Variants in WDR44 observed in about 807,000 individuals in gnomAD.
WDR44 encodes the protein WD repeat-containing protein 44.
A neutral mutation model predicts 65.7 loss-of-function variants in WDR44; 9 were observed. The observed-to-expected ratio is 0.14, with a 90% CI of 0.08 to 0.24. The LOEUF (loss-of-function observed/expected upper bound fraction) is 0.24, where lower values mean the gene tolerates loss of function less well. WDR44 is among the 10% of genes least tolerant of loss of function. The pLI is 1.00. For missense variants in WDR44, 425 were observed against 670.9 expected (o/e 0.63, Z 4.05); for synonymous variants, 220 against 235.2 (o/e 0.94, Z 0.59).
rs910978078 is a variant in WDR44 at position 118,432,855 on chromosome X, A to G, written c.1812A>G (p.Lys604=). ...PFRQRPFCKY[K]GHTADLLDLS... ...GGCAACGGCCATTTTGCAAATATAA[A>G]GGACATACTGCTGATCTCCTTGATC... The change falls in exon 13 of 20, where the codon AAA becomes AAG. Residue 604 remains lysine, a synonymous_variant. Transcript: ENST00000254029. The G allele has an allele frequency of 8.3e-7, 1 of 1,209,706 alleles. No individual in the cohort carries two copies. The highest frequency in any genetic ancestry group is 1.1e-6 in the Non-Finnish European group (1 of 894,470).
In WDR44 at chrX:118,387,088, A is replaced by T. The variant is rs760241122; in HGVS notation, c.112-252A>T. Among the ~76,000 whole-genome samples the T allele has an allele frequency of 1.9e-5, 2 of 106,597 alleles. 1 individual carries two copies. The highest frequency in any genetic ancestry group is 2.0e-4 in the Admixed American group (2 of 9,766). 92.6% of individuals were successfully genotyped at this position (106,597 alleles called of 115,157 possible). A position where few individuals can be genotyped will look rare whatever the true frequency, so the allele number is the denominator to read the frequency against. ...TCCCAGCTACTCGGGAGGCTGAGGC[A>T]GGAGAATCACTTGAACCCGGGAAGC... is the stretch of plus-strand genomic sequence containing the variant. On this transcript the variant is annotated intron_variant, in intron 2 of 19. Transcript: ENST00000254029.
At chrX:118,367,481 C>T (rs2056564695) in intron 1 of WDR44, among the ~76,000 whole-genome samples, 1 of 111,518 alleles carries the variant, frequency 9.0e-6, no homozygotes, top group Admixed American at 9.6e-5. Context: ...TAAATTAAGG[C>T]CTTACTAAAG....
intron 1 of WDR44, among the ~76,000 whole-genome samples, chrX:118,352,352 A>ATATATTTTTTTTTTTTTTTTT (rs1357425730): frequency 1.4e-4 from 2 of 14,224 alleles, no homozygotes; most frequent in African/African-American, 7.4e-4. Context: ...ATATATATAT[A>ATATATTTTTTTTTTTTTTTTT]TTTTTTTTTT....
At chrX:118,401,592 T>C (rs1199397880) in intron 8 of WDR44, among the ~76,000 whole-genome samples, 12 of 82,762 alleles carry the variant, frequency 1.4e-4, no homozygotes, top group East Asian at 4.1e-4. Context: ...ATGAGTAGGT[T>C]GCGAAAATTT....
At chrX:118,441,199 C>T (rs1329220966) in intron 14 of WDR44, among the ~76,000 whole-genome samples, 169 bp from the exon 15 acceptor site, 5 of 110,680 alleles carry the variant, frequency 4.5e-5, no homozygotes, top group Non-Finnish European at 7.6e-5. Flanking sequence ...ACCTTGTGAT[C>T]CACTGCCTTG....
chrX:118,383,789 T>G (rs2056740862), intron 2 of WDR44, among the ~76,000 whole-genome samples: 1 of 102,148 alleles, frequency 9.8e-6, no homozygotes, highest in Non-Finnish European at 2.0e-5. Context: ...CTCTTAATGG[T>G]GATCAGCTTC....
intron 7 of WDR44, 98 bp from the exon 8 acceptor site, chrX:118,398,289 T>C: frequency 3.3e-6 from 2 of 603,001 alleles, no homozygotes; most frequent in Admixed American, 3.1e-5. Context: ...AGCGTAGTTT[T>C]TCTTATTCTG....
intron 1 of WDR44, among the ~76,000 whole-genome samples, chrX:118,353,547 C>CT (rs2056432992): frequency 8.9e-6 from 1 of 111,983 alleles, no homozygotes; most frequent in Non-Finnish European, 1.9e-5. Context: ...TCCACAAAAC[C>CT]TTTTTGTCTC....
intron 10 of WDR44, 121 bp downstream of exon 10, chrX:118,407,147 A>G (rs5956052): frequency 0.23 from 153,444 of 665,828 alleles, 13,836 homozygotes; most frequent in African/African-American, 0.4. Flanking sequence ...AGAACGGGGA[A>G]TTTATGTTAA....
chrX:118,382,694 C>A (rs776688190), intron 2 of WDR44, among the ~76,000 whole-genome samples: 5 of 111,324 alleles, frequency 4.5e-5, no homozygotes, highest in African/African-American at 1.6e-4. Context: ...AATCTTATAA[C>A]CAAATACTGC....
chrX:118,368,511 G>A (rs1433408890), intron 1 of WDR44, among the ~76,000 whole-genome samples: 1 of 81,954 alleles, frequency 1.2e-5, no homozygotes, highest in Non-Finnish European at 2.2e-5. Flanking sequence ...CATTCCTCCA[G>A]CTCCTTCTGA....
At chrX:118,393,312 G>T in intron 4 of WDR44, 41 bp downstream of exon 4, 3 of 1,152,697 alleles carry the variant, frequency 2.6e-6, no homozygotes, top group Non-Finnish European at 3.4e-6. Context: ...GTTGGGCACA[G>T]TGGCTCACGC....
intron 1 of WDR44, among the ~76,000 whole-genome samples, chrX:118,366,217 C>T (rs2056551882): frequency 9.0e-6 from 1 of 111,546 alleles, no homozygotes; most frequent in South Asian, 3.7e-4. Context: ...TATACTTATC[C>T]ATATATAAGT....
At chrX:118,418,114 T>C (rs2057073322) in intron 12 of WDR44, among the ~76,000 whole-genome samples, 2 of 111,984 alleles carry the variant, frequency 1.8e-5, no homozygotes, top group Admixed American at 9.5e-5. Flanking sequence ...TGGATTTCAC[T>C]GCATTGGGCT....
At chrX:118,436,205 G>A (rs1227235442) in intron 13 of WDR44, among the ~76,000 whole-genome samples, 3 of 112,144 alleles carry the variant, frequency 2.7e-5, no homozygotes, top group Non-Finnish European at 5.6e-5. Context: ...TGCCTAGAGT[G>A]TGACAGGTGC....
intron 2 of WDR44, among the ~76,000 whole-genome samples, chrX:118,386,814 G>T (rs1424004962): frequency 9.0e-6 from 1 of 111,274 alleles, no homozygotes; most frequent in Non-Finnish European, 1.9e-5. Flanking sequence ...TATTGCTGAT[G>T]GGTAACTTTC....
chrX:118,431,524 A>C (rs1176874323), intron 12 of WDR44, among the ~76,000 whole-genome samples: 1 of 111,191 alleles, frequency 9.0e-6, no homozygotes, highest in Non-Finnish European at 1.9e-5. Context: ...GCTGATCTTG[A>C]ACTACCGACC....
intron 3 of WDR44, among the ~76,000 whole-genome samples, chrX:118,391,606 A>G (rs1247904293): frequency 8.9e-6 from 1 of 112,026 alleles, no homozygotes; most frequent in Admixed American, 9.5e-5. Flanking sequence ...GAGATTTAAT[A>G]TTAGTAATGA....
At chrX:118,413,733 T>C (rs1454560761) in intron 12 of WDR44, among the ~76,000 whole-genome samples, 1 of 112,113 alleles carries the variant, frequency 8.9e-6, no homozygotes, top group Non-Finnish European at 1.9e-5. Context: ...GCTTTTGGGT[T>C]CCTGGTCATG....
Sources: allele counts gnomAD v4.1 joint callset (sites outside exome capture counted in the v4.1 genomes callset), GRCh38; gene constraint gnomAD v4.1.1; transcripts MANE v1.5; gene names NCBI Gene and HGNC (gene_info 2026-07-23, HGNC 2026-07-21).